Variants in RAPGEF4 observed in about 807,000 individuals in gnomAD.
RAPGEF4 encodes RAP guanine-nucleotide-exchange factor (GEF) 4.
A neutral mutation model predicts 147.9 loss-of-function variants in RAPGEF4; 66 were observed. The ratio of observed to expected loss-of-function variants is 0.45; its 90% CI spans 0.37 to 0.55. The LOEUF is 0.55. Among genes scored for constraint, RAPGEF4 ranks in the 20% least tolerant of loss-of-function variants. RAPGEF4 has a pLI of 0.00. For missense variants in RAPGEF4, 1,071 were observed against 1,257.3 expected, an observed-to-expected ratio of 0.85 and a Z score of 2.24; for synonymous variants, 419 against 442.7, an observed-to-expected ratio of 0.95 and a Z score of 0.67.
At chr2:172,813,144 C>G (rs961778392) in intron 3 of RAPGEF4, among the ~76,000 whole-genome samples, 1 of 152,158 alleles carries the variant, frequency 6.6e-6, no homozygotes. Flanking sequence ...GGGCATTTGT[C>G]TTAGTAATGT....
intron 6 of RAPGEF4, among the ~76,000 whole-genome samples, chr2:172,958,999 G>A (rs1267515104): frequency 1.3e-5 from 2 of 152,076 alleles, no homozygotes; most frequent in African/African-American, 2.4e-5. Flanking sequence ...TTTTTTATTA[G>A]GACTAGAGGG....
chr2:172,933,851 C>T (rs976660826), intron 6 of RAPGEF4, among the ~76,000 whole-genome samples: 39 of 152,222 alleles, frequency 2.6e-4, no homozygotes, highest in African/African-American at 8.7e-4. Context: ...AATAGACATC[C>T]TCAGGGACCT....
At chr2:172,888,072 G>T in intron 4 of RAPGEF4, among the ~76,000 whole-genome samples, 1 of 152,224 alleles carries the variant, frequency 6.6e-6, no homozygotes, top group East Asian at 1.9e-4. Context: ...CCGTGCATCC[G>T]TCCAGGAGCC....
intron 4 of RAPGEF4, among the ~76,000 whole-genome samples, chr2:172,913,227 C>T (rs1314330069): frequency 6.6e-6 from 1 of 152,124 alleles, no homozygotes. Context: ...ATCAAATCTC[C>T]GCCAGCCCCA....
intron 4 of RAPGEF4, among the ~76,000 whole-genome samples, chr2:172,907,996 A>G (rs972030773): frequency 6.6e-6 from 1 of 152,202 alleles, no homozygotes; most frequent in Non-Finnish European, 1.5e-5. Flanking sequence ...CACAAGTAGC[A>G]TGTAGTGGAA....
rs924447721 is a variant in RAPGEF4 at position 172,736,388 on chromosome 2, T to C, written c.65+340T>C. Among the ~76,000 whole-genome samples the C allele has an allele frequency of 5.3e-5, 8 of 152,210 alleles. No homozygotes were observed. In the South Asian group the frequency reaches 6.2e-4, roughly 12 times the overall value. ...CTCTTGGCATCACGGGACAGAAGAA[T>C]CGATGCATACCCTTTCCGGCTATTC... On this transcript the variant is annotated intron_variant, in intron 1 of 30. Coordinates refer to ENST00000397081, the MANE Select transcript of RAPGEF4 (RefSeq NM_007023.4).
intron 4 of RAPGEF4, among the ~76,000 whole-genome samples, chr2:172,833,116 A>G (rs1317781943): frequency 1.3e-5 from 2 of 151,904 alleles, no homozygotes; most frequent in East Asian, 3.9e-4. Context: ...AGGCAGGAAA[A>G]TCACTTGAAC....
At chr2:172,765,861 C>G (rs1286583201) in intron 1 of RAPGEF4, among the ~76,000 whole-genome samples, 1 of 152,212 alleles carries the variant, frequency 6.6e-6, no homozygotes, top group Non-Finnish European at 1.5e-5. Context: ...AGAGAATCTG[C>G]ATATTGCAAA....
intron 6 of RAPGEF4, among the ~76,000 whole-genome samples, chr2:172,957,628 C>A (rs1181320314): frequency 6.6e-6 from 1 of 152,222 alleles, no homozygotes; most frequent in Non-Finnish European, 1.5e-5. Context: ...CTTTCCCCTG[C>A]ATGTGTTCCT....
chr2:172,839,456 A>G (rs1005474642), intron 4 of RAPGEF4, among the ~76,000 whole-genome samples: 1 of 152,058 alleles, frequency 6.6e-6, no homozygotes, highest in African/African-American at 2.4e-5. Context: ...ACTTCCTGAC[A>G]TTGCTATGGC....
intron 25 of RAPGEF4, among the ~76,000 whole-genome samples, chr2:173,028,934 T>C (rs1321829145): frequency 6.6e-6 from 1 of 152,228 alleles, no homozygotes. Context: ...ATGACTTACA[T>C]AGGGTAATAA....
At chr2:172,763,889 AT>A (rs1177768568) in intron 1 of RAPGEF4, among the ~76,000 whole-genome samples, 3 of 151,984 alleles carry the variant, frequency 2.0e-5, no homozygotes, top group Non-Finnish European at 4.4e-5. Context: ...TTTTTTTGGT[AT>A]TTTCTGATTA....
chr2:172,919,039 G>A (rs2553009), intron 5 of RAPGEF4, among the ~76,000 whole-genome samples: 75,468 of 151,940 alleles, frequency 0.5, 19,113 homozygotes, highest in East Asian at 0.64. Flanking sequence ...TGCAGAGGAG[G>A]AGGGTGGGAG....
chr2:172,962,120 C>T (rs1379603307), intron 8 of RAPGEF4, among the ~76,000 whole-genome samples: 1 of 152,194 alleles, frequency 6.6e-6, no homozygotes, highest in South Asian at 2.1e-4. Context: ...CAGAATTCAG[C>T]AACTTTTGAT....
At position 172,814,546 on chromosome 2, in the gene RAPGEF4, T is replaced by C. The variant is rs563101595; in HGVS notation, c.444+121T>C. 5 of 1,255,078 alleles carry C rather than the reference T, an allele frequency of 4.0e-6. No individual in the cohort carries two copies. In the East Asian group the frequency reaches 1.2e-4, roughly 31 times the overall value. 77.7% of individuals were successfully genotyped at this position (1,255,078 alleles called of 1,614,324 possible). A position where few individuals can be genotyped will look rare whatever the true frequency, so the allele number is the denominator to read the frequency against. ...TCTGTTCTGAGCTGGTAGATGGAATTTAATTTTCAAAACTTGTTTTTGAAA... is the reference window on the plus strand; with the variant it reads ...TCTGTTCTGAGCTGGTAGATGGAATCTAATTTTCAAAACTTGTTTTTGAAA... On this transcript the variant is annotated intron_variant, in intron 4 of 30. Transcript: ENST00000397081.
intron 4 of RAPGEF4, among the ~76,000 whole-genome samples, chr2:172,914,092 C>T (rs1483471364): frequency 6.6e-6 from 1 of 152,088 alleles, no homozygotes; most frequent in Non-Finnish European, 1.5e-5. Flanking sequence ...TTTGTCATGG[C>T]GTCATACTAT....
intron 1 of RAPGEF4, among the ~76,000 whole-genome samples, chr2:172,769,595 TG>T (rs1310385996): frequency 3.3e-5 from 5 of 152,112 alleles, no homozygotes; most frequent in Admixed American, 6.5e-5. Context: ...TCCCTGCATT[TG>T]CTGCTCCCCA....
intron 6 of RAPGEF4, among the ~76,000 whole-genome samples, chr2:172,936,509 TTTTTTTAAGGA>T (rs1686586830): frequency 6.6e-6 from 1 of 152,146 alleles, no homozygotes; most frequent in Non-Finnish European, 1.5e-5. Context: ...TTCAATTAAA[TTTTTTTAAGGA>T]TTTTTAAAAT....
intron 1 of RAPGEF4, among the ~76,000 whole-genome samples, chr2:172,759,058 G>T (rs1351464237): frequency 6.6e-6 from 1 of 152,194 alleles, no homozygotes; most frequent in East Asian, 1.9e-4. Flanking sequence ...GGCAAGTAAA[G>T]ATGTTTTCAA....
Sources: gnomAD v4.1 joint callset for allele counts (sites outside exome capture counted in the v4.1 genomes callset) on GRCh38, gnomAD v4.1.1 for gene constraint, MANE v1.5 for transcripts, NCBI Gene and HGNC (gene_info 2026-07-23, HGNC 2026-07-21) for gene names.